Variants in FMNL2 observed in about 807,000 individuals in gnomAD.
FMNL2 encodes formin like 2, also known as formin-like protein 2.
A neutral mutation model predicts 130.2 loss-of-function variants in FMNL2; 51 were observed. That is an observed-to-expected ratio of 0.39 (90% CI 0.31 to 0.49). FMNL2 has a LOEUF of 0.49. FMNL2 is among the 20% of genes least tolerant of loss of function. The pLI is 0.85. For synonymous variants in FMNL2, 465 were observed against 467.1 expected, an observed-to-expected ratio of 1.00 and a Z score of 0.06; for missense variants, 977 against 1,316.2, an observed-to-expected ratio of 0.74 and a Z score of 3.99.
intron 6 of FMNL2, among the ~76,000 whole-genome samples, chr2:152,567,469 C>T (rs1695917499): frequency 6.6e-6 from 1 of 152,134 alleles, no homozygotes; most frequent in Non-Finnish European, 1.5e-5. Context: ...ATCCCTCTAC[C>T]TCTCCTTTGA....
intron 1 of FMNL2, among the ~76,000 whole-genome samples, chr2:152,426,206 T>C (rs1316801145): frequency 1.3e-5 from 2 of 152,202 alleles, no homozygotes; most frequent in Admixed American, 1.3e-4. Flanking sequence ...CTGTGTGTCA[T>C]TGGCTATTTA....
rs1275147431 is a variant in FMNL2 at position 152,395,154 on chromosome 2, G to A, written c.117+59434G>A. 6.6e-5 allele frequency among the ~76,000 whole-genome samples: 10 copies of A among 152,298 alleles called. No homozygotes were observed. The South Asian group carries it at 8.3e-4, about 13-fold the overall frequency. On this transcript the variant is annotated intron_variant, in intron 1 of 25. Transcript: ENST00000288670. Reference sequence around the variant, plus strand: ...GTAATTCTTTGGTTCACAGTAGACAGTCCCACTGCAGAAGTCCTGCTCCGG... The same window carrying A: ...GTAATTCTTTGGTTCACAGTAGACAATCCCACTGCAGAAGTCCTGCTCCGG...
intron 1 of FMNL2, among the ~76,000 whole-genome samples, chr2:152,461,357 CT>C (rs200277159): frequency 8.4e-6 from 1 of 119,622 alleles, no homozygotes; most frequent in Non-Finnish European, 1.6e-5. Context: ...AGATATTTTA[CT>C]TTTTTTTAAA....
intron 16 of FMNL2, among the ~76,000 whole-genome samples, chr2:152,626,118 A>G (rs576461345): frequency 1.2e-4 from 18 of 151,986 alleles, no homozygotes; most frequent in Non-Finnish European, 1.2e-4. Context: ...GCTCACTGCA[A>G]CCTCTTCCTC....
intron 2 of FMNL2, among the ~76,000 whole-genome samples, chr2:152,538,220 C>T (rs1001996244): frequency 1.3e-5 from 2 of 151,790 alleles, no homozygotes; most frequent in African/African-American, 4.8e-5. Flanking sequence ...TTAACCAGTT[C>T]AGGGAAGAGG....
intron 1 of FMNL2, among the ~76,000 whole-genome samples, chr2:152,483,551 C>T (rs1016599698): frequency 1.3e-5 from 2 of 152,116 alleles, no homozygotes; most frequent in Non-Finnish European, 2.9e-5. Flanking sequence ...CAGGTATGAG[C>T]CCTTAAAAAA....
chr2:152,618,608 T>A (rs1211186282), intron 13 of FMNL2, among the ~76,000 whole-genome samples: 5 of 152,182 alleles, frequency 3.3e-5, no homozygotes, highest in Non-Finnish European at 7.3e-5. Flanking sequence ...AAAATTGAGT[T>A]AGCTGCATTT....
At chr2:152,614,021 T>C (rs1698819104) in intron 11 of FMNL2, among the ~76,000 whole-genome samples, 1 of 152,066 alleles carries the variant, frequency 6.6e-6, no homozygotes, top group South Asian at 2.1e-4. Context: ...TGTGTGGAGG[T>C]TGGGCTCTAG....
At chr2:152,442,770 A>G (rs1688120181) in intron 1 of FMNL2, among the ~76,000 whole-genome samples, 1 of 152,200 alleles carries the variant, frequency 6.6e-6, no homozygotes, top group South Asian at 2.1e-4. Flanking sequence ...CAGGAGAGTG[A>G]TGTGAGCAGA....
chr2:152,390,003 A>G, intron 1 of FMNL2: 1 of 1,559,118 alleles, frequency 6.4e-7, no homozygotes, highest in Non-Finnish European at 8.8e-7. Flanking sequence ...GCAGCTAGAG[A>G]TTGACCAGAA....
chr2:152,590,357 C>T, intron 9 of FMNL2, among the ~76,000 whole-genome samples: 1 of 152,116 alleles, frequency 6.6e-6, no homozygotes, highest in Non-Finnish European at 1.5e-5. Flanking sequence ...GTGGCTCACG[C>T]CTGTAATCCC....
At chr2:152,354,376 G>A (rs910849588) in intron 1 of FMNL2, among the ~76,000 whole-genome samples, 1 of 149,872 alleles carries the variant, frequency 6.7e-6, no homozygotes, top group Non-Finnish European at 1.5e-5. Flanking sequence ...ATGGTTTTCT[G>A]TTTGATTAAC....
intron 1 of FMNL2, among the ~76,000 whole-genome samples, chr2:152,511,026 A>G (rs2105359977): frequency 6.6e-6 from 1 of 152,284 alleles, no homozygotes; most frequent in African/African-American, 2.4e-5. Context: ...TCATAACTTC[A>G]GGTATCTGAG....
At chr2:152,374,700 A>G (rs1396654706) in intron 1 of FMNL2, among the ~76,000 whole-genome samples, 1 of 152,242 alleles carries the variant, frequency 6.6e-6, no homozygotes, top group Non-Finnish European at 1.5e-5. Flanking sequence ...TGTCACCAGC[A>G]TTTAGTGAAA....
At chr2:152,620,995 G>A in intron 15 of FMNL2, 1 of 985,428 alleles carries the variant, frequency 1.0e-6, no homozygotes, top group Non-Finnish European at 1.2e-6. Flanking sequence ...AAAAGTTGGA[G>A]CAGAGTCATC....
intron 7 of FMNL2, 117 bp downstream of exon 7, chr2:152,575,361 TC>T (rs1254652523): frequency 4.7e-5 from 25 of 532,854 alleles, no homozygotes; most frequent in Non-Finnish European, 7.7e-5. Flanking sequence ...CCAGACTTCA[TC>T]ATCCTACAAT....
intron 1 of FMNL2, among the ~76,000 whole-genome samples, chr2:152,500,642 G>C (rs1321497957): frequency 6.6e-6 from 1 of 152,224 alleles, no homozygotes; most frequent in Non-Finnish European, 1.5e-5. Flanking sequence ...GAGGTCAGGA[G>C]TTCTAGACCA....
chr2:152,622,678 C>T lies in FMNL2; in HGVS notation c.1838-2760C>T, dbSNP rs530664842. On this transcript the variant is annotated intron_variant, in intron 15 of 25. Coordinates refer to ENST00000288670, the MANE Select transcript of FMNL2 (RefSeq NM_052905.4). ...CCATTGCATTTTGACTTTGTGTCTG[C>T]GGGAAGTCTTGGTGGTGGCTGATGA... 9.2e-4 allele frequency: 414 copies of T among 451,136 alleles called. 4 individuals carry two copies. Among genetic ancestry groups the T allele is most frequent in the South Asian group, 4.5e-3 (287 of 64,224 alleles). The allele number at this position is 451,136 out of a possible 1,614,324, so 27.9% of individuals were successfully genotyped here.
chr2:152,584,695 C>T (rs1372372503), intron 9 of FMNL2, among the ~76,000 whole-genome samples: 1 of 152,172 alleles, frequency 6.6e-6, no homozygotes, highest in East Asian at 1.9e-4. Context: ...CTAATTTGAC[C>T]ACCACTAATT....
Sources: gnomAD v4.1 joint callset for allele counts (sites outside exome capture counted in the v4.1 genomes callset) on GRCh38, gnomAD v4.1.1 for gene constraint, MANE v1.5 for transcripts, NCBI Gene and HGNC (gene_info 2026-07-23, HGNC 2026-07-21) for gene names.